Variants in BAZ2B observed in about 807,000 individuals in gnomAD.
BAZ2B encodes bromodomain adjacent to zinc finger domain 2B, also known as bromodomain adjacent to zinc finger domain protein 2B.
BAZ2B carries 91 observed loss-of-function variants against 246.0 expected under a neutral mutation model. The observed-to-expected ratio is 0.37, with a 90% CI of 0.31 to 0.44. The LOEUF is 0.44. Ranked by LOEUF, BAZ2B falls within the 20% of genes least tolerant of loss-of-function variation. BAZ2B has a pLI of 1.00. For synonymous variants in BAZ2B, 855 were observed against 860.0 expected, an observed-to-expected ratio of 0.99 and a Z score of 0.10; for missense variants, 2,332 against 2,533.7, an observed-to-expected ratio of 0.92 and a Z score of 1.71.
At chr2:159,640,358 C>CCCA in the BAZ2B span, among the ~76,000 whole-genome samples, 7 of 152,014 alleles carry the variant, frequency 4.6e-5, no homozygotes, top group Non-Finnish European at 8.8e-5. Context: ...GGCCTCATAG[C>CCCA]TATTTACAGA....
At chr2:159,694,649 G>A in the BAZ2B span, 4 of 152,184 alleles carry the variant, frequency 2.6e-5, no homozygotes, top group African/African-American at 9.6e-5. Flanking sequence ...CCATGTTGCA[G>A]CATGCAGCAG....
At chr2:159,338,658 C>A (rs2066079404) in intron 31 of BAZ2B, among the ~76,000 whole-genome samples, 1 of 152,174 alleles carries the variant, frequency 6.6e-6, no homozygotes, top group Non-Finnish European at 1.5e-5. Flanking sequence ...ATTCACACAT[C>A]TTATGTTGCA....
At chr2:159,576,696 G>A (rs922412408) in intron 1 of BAZ2B, among the ~76,000 whole-genome samples, 7 of 138,172 alleles carry the variant, frequency 5.1e-5, no homozygotes, top group Non-Finnish European at 7.9e-5. Flanking sequence ...GGTGGATCAC[G>A]AGGTCGGGAG....
At position 159,431,006 on chromosome 2, in the gene BAZ2B, A is replaced by G. The variant is rs777382359; in HGVS notation, c.2051T>C (p.Met684Thr). 1.9e-6 allele frequency: 3 copies of G among 1,614,002 alleles called. No individual in the cohort carries two copies. In the East Asian group the frequency reaches 6.7e-5, roughly 36 times the overall value. The part of the protein sequence containing the change: ...KTTSSVKSPS[M>T]SLTGHSTPRN... Reference sequence around the variant, plus strand: ...AGGTGTTGAGTGACCTGTGAGACTCATGGAAGGGCTTTTGACAGAGGAAGT... The same window carrying G: ...AGGTGTTGAGTGACCTGTGAGACTCGTGGAAGGGCTTTTGACAGAGGAAGT... The change falls in exon 10 of 37, where the codon ATG becomes ACG. Residue 684 changes from methionine (M) to threonine (T), a missense_variant. Physicochemically the swap from Met to Thr is moderately conservative, Grantham distance 81 (BLOSUM62 -1). Around this residue, in one of 9 missense-constraint regions of BAZ2B, gnomAD observed 651 missense variants for 650.9 expected, o/e 1.00. Coordinates refer to ENST00000392783, the MANE Select transcript of BAZ2B (RefSeq NM_013450.4).
chr2:159,478,049 T>G (rs957218691), intron 3 of BAZ2B, among the ~76,000 whole-genome samples: 4 of 152,226 alleles, frequency 2.6e-5, no homozygotes, highest in Non-Finnish European at 5.9e-5. Context: ...CTCGAACTCC[T>G]GACCGCAGCT....
At chr2:159,340,810 T>C (rs1559015814) in intron 31 of BAZ2B, among the ~76,000 whole-genome samples, 2 of 151,816 alleles carry the variant, frequency 1.3e-5, no homozygotes, top group Non-Finnish European at 2.9e-5. Context: ...ATCACGAAAA[T>C]ATGAAACTAT....
intron 16 of BAZ2B, among the ~76,000 whole-genome samples, chr2:159,401,671 T>C (rs1457153893): frequency 6.6e-6 from 1 of 152,146 alleles, no homozygotes; most frequent in Non-Finnish European, 1.5e-5. Context: ...TTGTCTAAAT[T>C]TAATGAACTG....
the BAZ2B span, among the ~76,000 whole-genome samples, chr2:159,666,528 G>A: frequency 6.6e-6 from 1 of 152,052 alleles, no homozygotes; most frequent in Non-Finnish European, 1.5e-5. Flanking sequence ...CCAAAGTGCT[G>A]GGATTACAGG....
intron 4 of BAZ2B, among the ~76,000 whole-genome samples, chr2:159,449,840 A>C (rs1485912516): frequency 6.6e-6 from 1 of 152,164 alleles, no homozygotes; most frequent in East Asian, 1.9e-4. Context: ...GTTATTTATA[A>C]GTTTGAAAGC....
chr2:159,334,207 T>G (rs1364247164), intron 33 of BAZ2B, among the ~76,000 whole-genome samples: 2 of 152,170 alleles, frequency 1.3e-5, no homozygotes, highest in Non-Finnish European at 2.9e-5. Context: ...AAAATAAAAT[T>G]ATTTCCTGAT....
chr2:159,684,416 C>T, the BAZ2B span, among the ~76,000 whole-genome samples: 1 of 152,162 alleles, frequency 6.6e-6, no homozygotes, highest in Non-Finnish European at 1.5e-5. Context: ...AATTATTTGA[C>T]AGACTAAATA....
At chr2:159,511,486 G>T (rs193004851) in intron 2 of BAZ2B, among the ~76,000 whole-genome samples, 6 of 152,258 alleles carry the variant, frequency 3.9e-5, no homozygotes, top group African/African-American at 9.6e-5. Flanking sequence ...CACTACAGGC[G>T]TGAGGTGTCG....
At chr2:159,498,624 A>T (rs888401448) in intron 2 of BAZ2B, among the ~76,000 whole-genome samples, 1 of 152,144 alleles carries the variant, frequency 6.6e-6, no homozygotes, top group East Asian at 1.9e-4. Context: ...ATAACAGTGC[A>T]TTTTTCAGTA....
chr2:159,484,859 G>GGTA (rs1476069624), intron 2 of BAZ2B, among the ~76,000 whole-genome samples: 2 of 152,104 alleles, frequency 1.3e-5, no homozygotes, highest in African/African-American at 4.8e-5. Context: ...TATAGCCACA[G>GGTA]ATTAAAGATG....
intron 2 of BAZ2B, among the ~76,000 whole-genome samples, chr2:159,519,510 G>A (rs2083879603): frequency 6.6e-6 from 1 of 151,114 alleles, no homozygotes; most frequent in Non-Finnish European, 1.5e-5. Context: ...GATTACAGGC[G>A]TGAGCCACCG....
intron 2 of BAZ2B, among the ~76,000 whole-genome samples, chr2:159,518,119 G>C (rs1216449436): frequency 1.3e-5 from 2 of 152,068 alleles, no homozygotes; most frequent in Admixed American, 1.3e-4. Context: ...TATTTCAATT[G>C]TTTCAATGAT....
At chr2:159,662,735 T>A in the BAZ2B span, among the ~76,000 whole-genome samples, 1 of 151,966 alleles carries the variant, frequency 6.6e-6, no homozygotes, top group Non-Finnish European at 1.5e-5. Context: ...TTTCACCATG[T>A]TGGCCAGGCT....
chr2:159,366,677 C>T (rs767912533), intron 27 of BAZ2B, among the ~76,000 whole-genome samples: 5 of 152,184 alleles, frequency 3.3e-5, no homozygotes, highest in Non-Finnish European at 5.9e-5. Context: ...AGTATTGCTT[C>T]CTTGACATGA....
At chr2:159,494,863 G>C (rs2080896960) in intron 2 of BAZ2B, among the ~76,000 whole-genome samples, 1 of 143,964 alleles carries the variant, frequency 6.9e-6, no homozygotes, top group Non-Finnish European at 1.5e-5. Flanking sequence ...AAGTCAATTA[G>C]GTCAAATACA....
Sources: allele counts gnomAD v4.1 joint callset (sites outside exome capture counted in the v4.1 genomes callset), GRCh38; gene constraint gnomAD v4.1.1; regional missense constraint gnomAD v4.1.1; transcripts MANE v1.5; gene names NCBI Gene and HGNC (gene_info 2026-07-23, HGNC 2026-07-21).